The following TTC6 variants were observed in gnomAD, a reference collection of about 807,000 sequenced individuals.
TTC6 encodes tetratricopeptide repeat domain 6.
TTC6 carries 172 observed loss-of-function variants against 210.4 expected under a neutral mutation model. The observed-to-expected ratio is 0.82, with a 90% CI of 0.72 to 0.93. TTC6 has a LOEUF of 0.93. Among genes scored for constraint, TTC6 ranks in the 40% least tolerant of loss-of-function variants. The pLI, the probability that TTC6 is intolerant of heterozygous loss-of-function variation, is 0.00. For missense variants in TTC6, 2,414 were observed against 2,318.1 expected (o/e 1.04, Z -0.85); for synonymous variants, 804 against 819.6 (o/e 0.98, Z 0.32).
intron 6 of TTC6, among the ~76,000 whole-genome samples, chr14:37,723,813 A>C (rs2095866419): frequency 6.6e-6 from 1 of 152,154 alleles, no homozygotes; most frequent in Non-Finnish European, 1.5e-5. Context: ...TCTGCATTCC[A>C]TCGTGGGATT....
intron 3 of TTC6, among the ~76,000 whole-genome samples, chr14:37,695,673 T>C (rs1341198408): frequency 1.3e-5 from 2 of 152,054 alleles, no homozygotes; most frequent in African/African-American, 2.4e-5. Context: ...AATTTAACTG[T>C]ATATTTAAAA....
intron 1 of TTC6, among the ~76,000 whole-genome samples, chr14:37,600,913 A>G (rs747052611): frequency 2.6e-5 from 4 of 152,200 alleles, no homozygotes; most frequent in Non-Finnish European, 4.4e-5. Flanking sequence ...TCCTTGTTCT[A>G]TGGACCACAG....
At chr14:37,628,574 A>G (rs1446472864) in intron 1 of TTC6, among the ~76,000 whole-genome samples, 3 of 151,948 alleles carry the variant, frequency 2.0e-5, no homozygotes, top group African/African-American at 4.8e-5. Context: ...CTTTCTGATG[A>G]TAGTTTGTTT....
intron 1 of TTC6, among the ~76,000 whole-genome samples, chr14:37,631,593 G>T (rs1198689931): frequency 6.6e-6 from 1 of 152,070 alleles, no homozygotes; most frequent in Non-Finnish European, 1.5e-5. Context: ...ATGTGTGTTG[G>T]TGTTGCTCTT....
chr14:37,804,577 G>A, intron 20 of TTC6, 103 bp from the exon 23 acceptor site: 1 of 1,395,850 alleles, frequency 7.2e-7, no homozygotes, highest in Non-Finnish European at 9.7e-7. Context: ...AGTAAGAGTA[G>A]AGGTGTGTGC....
chr14:37,635,226 T>G (rs1425700418), intron 1 of TTC6, among the ~76,000 whole-genome samples: 1 of 152,180 alleles, frequency 6.6e-6, no homozygotes, highest in Non-Finnish European at 1.5e-5. Flanking sequence ...TTTTCATGTG[T>G]AACTCTAATT....
exon 1 of TTC6, chr14:37,622,876 G>A (rs943823111): frequency 5.2e-6 from 8 of 1,535,016 alleles, no homozygotes; most frequent in Admixed American, 3.9e-5. Flanking sequence ...CTGCCCTCCC[G>A]CGTGATCCCC....
upstream of TTC6, among the ~76,000 whole-genome samples, chr14:37,620,638 GC>G (rs1317853307): frequency 1.3e-5 from 2 of 152,100 alleles, no homozygotes; most frequent in Non-Finnish European, 2.9e-5. Context: ...TAGCTAGCTG[GC>G]CCTGCTGAAT....
intron 1 of TTC6, among the ~76,000 whole-genome samples, chr14:37,639,081 T>C (rs901951897): frequency 2.6e-5 from 4 of 152,218 alleles, no homozygotes; most frequent in African/African-American, 9.6e-5. Context: ...TTGGTACATA[T>C]CAAAGAACAT....
chr14:37,728,162 C>T (rs185055793), intron 7 of TTC6, among the ~76,000 whole-genome samples: 1 of 109,816 alleles, frequency 9.1e-6, no homozygotes, highest in East Asian at 3.6e-4. Context: ...AGTAGGTGCT[C>T]AAATAATAAT....
chr14:37,641,288 G>A (rs1041421745), intron 1 of TTC6, among the ~76,000 whole-genome samples: 7 of 152,180 alleles, frequency 4.6e-5, no homozygotes, highest in African/African-American at 1.7e-4. Flanking sequence ...CTGAAGCTAG[G>A]CAGCTGTATT....
At chr14:37,825,713 G>A (rs939642843) in intron 27 of TTC6, among the ~76,000 whole-genome samples, 5 of 152,056 alleles carry the variant, frequency 3.3e-5, no homozygotes, top group Non-Finnish European at 5.9e-5. Flanking sequence ...AGATGCTGGC[G>A]TGATTTATCA....
chr14:37,728,540 C>G lies in TTC6; in HGVS notation c.1818+3538C>G, dbSNP rs116385712. Among the ~76,000 whole-genome samples, 406 of 152,202 alleles carry G rather than the reference C, an allele frequency of 2.7e-3. 1 individual carries two copies. Among genetic ancestry groups the G allele is most frequent in the African/African-American group, 9.5e-3 (395 of 41,524 alleles). On this transcript the variant is annotated intron_variant, in intron 7 of 30. Transcript: ENST00000553443. ...ACTGATTTGAAATGGTCCAGTTTGG[C>G]CTATTCAGTGCTTGAATTCTACTCT...
At position 37,664,808 on chromosome 14, in the gene TTC6, A is replaced by G. The variant is rs139448144; in HGVS notation, c.940-15343A>G. Among the ~76,000 whole-genome samples the G allele has an allele frequency of 6.7e-3, 1,012 of 150,810 alleles. 25 individuals carry two copies. Among genetic ancestry groups the G allele is most frequent in the African/African-American group, 0.023 (957 of 41,450 alleles). On this transcript the variant is annotated intron_variant, in intron 1 of 30. Transcript: ENST00000553443. Reference sequence around the variant, plus strand: ...AGGAACTTAAATCTACAAGAAAAAAACAAACAACCCCATTAAAAAGTGGGT... The same window carrying G: ...AGGAACTTAAATCTACAAGAAAAAAGCAAACAACCCCATTAAAAAGTGGGT...
At chr14:37,815,941 C>T (rs2096140453) in intron 25 of TTC6, among the ~76,000 whole-genome samples, 1 of 151,594 alleles carries the variant, frequency 6.6e-6, no homozygotes, top group Non-Finnish European at 1.5e-5. Context: ...GATTACAAAA[C>T]TAAATTTATT....
chr14:37,650,404 T>G (rs2095709090), intron 1 of TTC6, among the ~76,000 whole-genome samples: 1 of 152,222 alleles, frequency 6.6e-6, no homozygotes, highest in Non-Finnish European at 1.5e-5. Context: ...AGTATTTCAG[T>G]TTGCTGTAAG....
intron 1 of TTC6, among the ~76,000 whole-genome samples, chr14:37,630,725 G>A (rs940712808): frequency 1.3e-5 from 2 of 151,984 alleles, no homozygotes; most frequent in African/African-American, 4.8e-5. Flanking sequence ...AAGTCTTTTT[G>A]TAGGTCTCTG....
chr14:37,722,364 A>G (rs2095863584), intron 6 of TTC6, among the ~76,000 whole-genome samples: 1 of 152,080 alleles, frequency 6.6e-6, no homozygotes, highest in Non-Finnish European at 1.5e-5. Flanking sequence ...TACCATGGTT[A>G]GTCTTATTTA....
intron 1 of TTC6, among the ~76,000 whole-genome samples, chr14:37,656,500 G>T (rs1035022214): frequency 7.3e-6 from 1 of 137,188 alleles, no homozygotes; most frequent in Non-Finnish European, 1.5e-5. Flanking sequence ...AACCTAGTCA[G>T]GTGTGTGTGT....
Sources: gnomAD v4.1 joint callset for allele counts (sites outside exome capture counted in the v4.1 genomes callset) on GRCh38, gnomAD v4.1.1 for gene constraint, MANE v1.5 for transcripts, NCBI Gene and HGNC (gene_info 2026-07-23, HGNC 2026-07-21) for gene names.